CNTN4: variants seen among roughly 807,000 people sequenced by gnomAD.
CNTN4 encodes contactin-4.
CNTN4 carries 77 observed loss-of-function variants against 122.5 expected under a neutral mutation model. That is an observed-to-expected ratio of 0.63 (90% CI 0.52 to 0.76). The LOEUF (loss-of-function observed/expected upper bound fraction) is 0.76. Ranked by LOEUF, CNTN4 falls within the 30% of genes least tolerant of loss-of-function variation. The pLI is 0.00. For synonymous variants in CNTN4, 512 were observed against 447.0 expected (o/e 1.15, Z -1.83); for missense variants, 1,256 against 1,259.1 (o/e 1.00, Z 0.04).
intron 23 of CNTN4, among the ~76,000 whole-genome samples, chr3:3,046,565 G>T (rs7633634): frequency 0.27 from 40,268 of 151,562 alleles, 5,707 homozygotes; most frequent in Middle Eastern, 0.35. Flanking sequence ...ATCCTTTACA[G>T]ACAAGCAAAT....
intron 3 of CNTN4, among the ~76,000 whole-genome samples, chr3:2,466,184 G>T (rs1048240938): frequency 3.3e-5 from 5 of 152,150 alleles, no homozygotes; most frequent in Non-Finnish European, 7.3e-5. Context: ...ATATTAGGAT[G>T]CATTATTCTG....
intron 2 of CNTN4, among the ~76,000 whole-genome samples, chr3:2,170,100 T>C (rs1455125697): frequency 1.4e-4 from 21 of 151,628 alleles, no homozygotes; most frequent in South Asian, 1.3e-3. Flanking sequence ...GGCGGGAGGA[T>C]CACAAGGTCA....
At chr3:2,376,882 G>C (rs1425202801) in intron 3 of CNTN4, among the ~76,000 whole-genome samples, 1 of 151,998 alleles carries the variant, frequency 6.6e-6, no homozygotes, top group African/African-American at 2.4e-5. Context: ...GCTCAGCAGG[G>C]CGCGGTGGCT....
At chr3:3,035,642 G>A (rs929138359) in intron 17 of CNTN4, among the ~76,000 whole-genome samples, 5 of 152,162 alleles carry the variant, frequency 3.3e-5, no homozygotes, top group African/African-American at 1.2e-4. Flanking sequence ...CTGCAGCCTC[G>A]ACCTCCTGGG....
intron 3 of CNTN4, among the ~76,000 whole-genome samples, chr3:2,429,453 A>C (rs927624979): frequency 3.3e-5 from 5 of 152,204 alleles, no homozygotes; most frequent in Non-Finnish European, 5.9e-5. Flanking sequence ...GCTTCGTCTC[A>C]GATGGGCACC....
chr3:2,423,971 T>A lies in CNTN4; in HGVS notation c.-89+84738T>A, dbSNP rs1401158495. 3.2e-5 allele frequency among the ~76,000 whole-genome samples: 2 copies of A among 63,004 alleles called. 1 individual carries two copies. The highest frequency in any genetic ancestry group is 1.1e-3 in the East Asian group (2 of 1,768). 41.3% of individuals were successfully genotyped at this position (63,004 alleles called of 152,430 possible). On this transcript the variant is annotated intron_variant, in intron 3 of 24. Transcript: ENST00000418658. Reference sequence around the variant, plus strand: ...GGGGGTTTTTTTTGATTAGGCAACATACCTAATGTAAATGACGAGTTAATG... The same window carrying A: ...GGGGGTTTTTTTTGATTAGGCAACAAACCTAATGTAAATGACGAGTTAATG...
intron 12 of CNTN4, among the ~76,000 whole-genome samples, chr3:2,903,660 A>G (rs2094199225): frequency 6.6e-6 from 1 of 152,210 alleles, no homozygotes; most frequent in Non-Finnish European, 1.5e-5. Context: ...TCAGAAAGTC[A>G]TGCTTGGGTC....
rs1385057945 is a variant in CNTN4, at chr3:2,819,465, TTCCCATATTTC to T, written c.359-15_359-5del. ...TAGGACTTTAAAGTTTAAATGCTTT[TTCCCATATTTC>T]TCCCAACAGATCTTGACAACTTTAA... On this transcript the variant is annotated splice_polypyrimidine_tract_variant and intron_variant, in intron 6 of 24. Transcript: ENST00000418658. 6 of 1,574,712 alleles carry T rather than the reference TTCCCATATTTC, an allele frequency of 3.8e-6. No homozygotes were observed. The highest frequency in any genetic ancestry group is 5.2e-6 in the Non-Finnish European group (6 of 1,144,232).
chr3:2,970,271 A>AT (rs912334807), intron 13 of CNTN4, among the ~76,000 whole-genome samples: 4 of 151,506 alleles, frequency 2.6e-5, no homozygotes, highest in Non-Finnish European at 5.9e-5. Flanking sequence ...ATTCTTTCAT[A>AT]TTTTTTGTAG....
At chr3:2,119,239 A>T (rs2033562954) in intron 2 of CNTN4, among the ~76,000 whole-genome samples, 1 of 152,158 alleles carries the variant, frequency 6.6e-6, no homozygotes, top group Non-Finnish European at 1.5e-5. Flanking sequence ...CAGATTTTGC[A>T]CTTGCCAACC....
chr3:2,209,591 A>G (rs2038516656), intron 2 of CNTN4, among the ~76,000 whole-genome samples: 1 of 152,260 alleles, frequency 6.6e-6, no homozygotes, highest in South Asian at 2.1e-4. Context: ...TTTGCCACTT[A>G]CTATGATTTA....
chr3:2,357,797 A>C (rs897885213), intron 3 of CNTN4, among the ~76,000 whole-genome samples: 1 of 152,198 alleles, frequency 6.6e-6, no homozygotes, highest in East Asian at 1.9e-4. Flanking sequence ...GCTTTGATTA[A>C]TTGCTATAAA....
At chr3:3,003,792 C>T (rs1696319765) in intron 14 of CNTN4, among the ~76,000 whole-genome samples, 1 of 151,632 alleles carries the variant, frequency 6.6e-6, no homozygotes, top group Non-Finnish European at 1.5e-5. Context: ...TTCTGTCACC[C>T]AGGCTGGAGT....
intron 4 of CNTN4, among the ~76,000 whole-genome samples, chr3:2,647,400 A>G (rs1015478439): frequency 7.3e-5 from 11 of 151,592 alleles, no homozygotes; most frequent in Non-Finnish European, 2.9e-5. Flanking sequence ...TAAATAAATA[A>G]ATAAATAAAT....
chr3:2,500,860 G>C lies in CNTN4; in HGVS notation c.-88-70556G>C, dbSNP rs559787236. On this transcript the variant is annotated intron_variant, in intron 3 of 24. Coordinates refer to ENST00000418658, the MANE Select transcript of CNTN4 (RefSeq NM_175607.3). ...ATGAACATTTACCTGTGCAAGCATC[G>C]TATTTGTCAAGATAAGGAACATTTT... Among the ~76,000 whole-genome samples, 4 of 152,124 alleles carry C rather than the reference G, an allele frequency of 2.6e-5. No individual in the cohort carries two copies. In the South Asian group the frequency reaches 8.3e-4, roughly 32 times the overall value.
intron 14 of CNTN4, among the ~76,000 whole-genome samples, chr3:3,012,358 T>C (rs1697315653): frequency 6.6e-6 from 1 of 152,172 alleles, no homozygotes; most frequent in Non-Finnish European, 1.5e-5. Context: ...GGCATCTTTG[T>C]TTCTGTCACA....
chr3:2,407,320 C>T (rs1258498427), intron 3 of CNTN4, among the ~76,000 whole-genome samples: 1 of 152,002 alleles, frequency 6.6e-6, no homozygotes, highest in Non-Finnish European at 1.5e-5. Flanking sequence ...CTGAGAAACC[C>T]AAATATACTT....
chr3:2,613,393 A>G (rs1182221156), intron 4 of CNTN4, among the ~76,000 whole-genome samples: 2 of 152,096 alleles, frequency 1.3e-5, no homozygotes, highest in Non-Finnish European at 2.9e-5. Context: ...GGATGGGCCC[A>G]TCTTCTATGA....
chr3:2,580,475 A>C (rs1384387016), intron 4 of CNTN4, among the ~76,000 whole-genome samples: 1 of 152,146 alleles, frequency 6.6e-6, no homozygotes, highest in African/African-American at 2.4e-5. Flanking sequence ...AGAAAATAGC[A>C]CGTAAAAGCC....
Sources: gnomAD v4.1 joint callset for allele counts (sites outside exome capture counted in the v4.1 genomes callset) on GRCh38, gnomAD v4.1.1 for gene constraint, MANE v1.5 for transcripts, NCBI Gene and HGNC (gene_info 2026-07-23, HGNC 2026-07-21) for gene names.